Variants in PIGF observed in about 807,000 individuals in gnomAD.
The protein encoded by PIGF is GPI ethanolamine phosphate transferase, stabilizing subunit.
Under a neutral mutation model 26.0 loss-of-function variants are expected in PIGF, and 23 were observed. That is an observed-to-expected ratio of 0.88 (90% CI 0.64 to 1.25). The LOEUF (loss-of-function observed/expected upper bound fraction) is 1.25, where lower values mean the gene tolerates loss of function less well. Among genes scored for constraint, PIGF ranks in the 50% most tolerant of loss-of-function variants. PIGF has a pLI of 0.00. For synonymous variants in PIGF, 93 were observed against 92.6 expected, an observed-to-expected ratio of 1.00 and a Z score of -0.03; for missense variants, 278 against 249.9, an observed-to-expected ratio of 1.11 and a Z score of -0.76.
chr2:46,592,291 C>A (rs4953402), intron 5 of PIGF, among the ~76,000 whole-genome samples, 184 bp downstream of exon 5: 1 of 152,180 alleles, frequency 6.6e-6, no homozygotes, highest in South Asian at 2.1e-4. Context: ...CCAGGGCTAC[C>A]TAGACACCTG....
chr2:46,584,323 G>A (rs747528794), intron 5 of PIGF, among the ~76,000 whole-genome samples: 1 of 152,074 alleles, frequency 6.6e-6, no homozygotes, highest in African/African-American at 2.4e-5. Flanking sequence ...TATGCTGAGA[G>A]TCTACTAATC....
chr2:46,594,401 G>T (rs1669816716), intron 4 of PIGF, among the ~76,000 whole-genome samples: 1 of 151,362 alleles, frequency 6.6e-6, no homozygotes, highest in Non-Finnish European at 1.5e-5. Context: ...GGATTGGAAA[G>T]AATAGGTAGC....
chr2:46,611,117 G>A (rs893499970), intron 4 of PIGF, among the ~76,000 whole-genome samples: 3 of 151,938 alleles, frequency 2.0e-5, no homozygotes, highest in Non-Finnish European at 4.4e-5. Context: ...ACCACTTATT[G>A]CTGGATTTAC....
intron 4 of PIGF, among the ~76,000 whole-genome samples, chr2:46,605,782 A>G (rs372554391): frequency 1.3e-5 from 2 of 152,108 alleles, no homozygotes; most frequent in African/African-American, 4.8e-5. Flanking sequence ...AACTGGGGCA[A>G]ATCACTTAAC....
intron 5 of PIGF, 70 bp downstream of exon 5, chr2:46,592,405 A>G: frequency 1.1e-5 from 9 of 800,036 alleles, no homozygotes; most frequent in Admixed American, 1.8e-5. Flanking sequence ...TATACACACT[A>G]GTTTGCTTCA....
chr2:46,581,919 T>C (rs1295110736), intron 5 of PIGF: 1 of 207,774 alleles, frequency 4.8e-6, no homozygotes, highest in African/African-American at 2.4e-5. Flanking sequence ...CTGAACTAGT[T>C]GGTAATTTTT....
intron 4 of PIGF, among the ~76,000 whole-genome samples, chr2:46,608,249 A>G (rs891231494): frequency 5.3e-5 from 8 of 152,236 alleles, no homozygotes. Context: ...AGTAGATTCC[A>G]TCTCAGGAGA....
chr2:46,595,279 C>T (rs1362183350), intron 4 of PIGF, among the ~76,000 whole-genome samples: 1 of 152,178 alleles, frequency 6.6e-6, no homozygotes, highest in African/African-American at 2.4e-5. Context: ...CTCCTTCCTC[C>T]CAGCCCTAGG....
At chr2:46,605,376 A>T (rs540337665) in intron 4 of PIGF, among the ~76,000 whole-genome samples, 2 of 152,242 alleles carry the variant, frequency 1.3e-5, no homozygotes, top group South Asian at 4.1e-4. Context: ...TGAAAAAACC[A>T]GCCCTCCTCC....
At chr2:46,587,855 A>G (rs151256531) in intron 5 of PIGF, among the ~76,000 whole-genome samples, 57 of 152,338 alleles carry the variant, frequency 3.7e-4, no homozygotes, top group African/African-American at 1.2e-3. Flanking sequence ...ATGAAATATA[A>G]TAAGTAATTT....
At chr2:46,609,573 C>T (rs926222066) in intron 4 of PIGF, among the ~76,000 whole-genome samples, 5 of 152,152 alleles carry the variant, frequency 3.3e-5, no homozygotes, top group Non-Finnish European at 7.3e-5. Flanking sequence ...TCACTTCTAG[C>T]TTTTGATTTA....
Position 46,581,556 on chromosome 2 carries a change from A to G in PIGF, c.582T>C (p.Phe194=). The change falls in exon 6 of 6, where the codon TTT becomes TTC. Residue 194 remains phenylalanine, a synonymous_variant. Coordinates refer to ENST00000281382, the MANE Select transcript of PIGF (RefSeq NM_002643.4). ...AAATAACAAGGCCAGCCACGTAGCCAAAGGTCGCTCCAAGCGTACAGGAGA... is the reference window on the plus strand; with the variant it reads ...AAATAACAAGGCCAGCCACGTAGCCGAAGGTCGCTCCAAGCGTACAGGAGA... ...WPISCTLGAT[F]GYVAGLVISP... The G allele has an allele frequency of 6.2e-7, 1 of 1,611,574 alleles. No individual in the cohort carries two copies. The highest frequency in any genetic ancestry group is 8.5e-7 in the Non-Finnish European group (1 of 1,179,530).
Position 46,585,539 on chromosome 2 carries a change from T to G in PIGF, c.547-3948A>C, listed in dbSNP as rs142164053. On this transcript the variant is annotated intron_variant, in intron 5 of 5. Coordinates refer to ENST00000281382, the MANE Select transcript of PIGF (RefSeq NM_002643.4). ...ACAGAAGTACCTACTATACTTAAAA[T>G]GCAGGGCTGAAGTAATCTCTTAAAA... 1.3e-4 allele frequency among the ~76,000 whole-genome samples: 20 copies of G among 152,290 alleles called. No individual in the cohort carries two copies. The East Asian group carries it at 3.7e-3, about 28-fold the overall frequency.
At chr2:46,599,611 T>C (rs1368712554) in intron 4 of PIGF, among the ~76,000 whole-genome samples, 3 of 152,224 alleles carry the variant, frequency 2.0e-5, no homozygotes, top group South Asian at 4.1e-4. Context: ...ATAGTGACCT[T>C]TGCATTCTCA....
chr2:46,591,211 A>C (rs138460371), intron 5 of PIGF, among the ~76,000 whole-genome samples: 199 of 152,310 alleles, frequency 1.3e-3, no homozygotes, highest in Non-Finnish European at 1.7e-3. Context: ...AATATTACAT[A>C]TATGTAAGTT....
chr2:46,595,464 C>T (rs1669854658), intron 4 of PIGF, among the ~76,000 whole-genome samples: 1 of 152,172 alleles, frequency 6.6e-6, no homozygotes, highest in Admixed American at 6.5e-5. Flanking sequence ...AATCATATTC[C>T]CTTCAAGGGA....
intron 5 of PIGF, among the ~76,000 whole-genome samples, chr2:46,590,464 GAA>G (rs1160308534): frequency 1.3e-5 from 2 of 151,978 alleles, no homozygotes; most frequent in Admixed American, 6.6e-5. Context: ...CTTGTAAACA[GAA>G]AAGACTTAAA....
chr2:46,604,453 C>G (rs767045320), intron 4 of PIGF, among the ~76,000 whole-genome samples: 13 of 151,656 alleles, frequency 8.6e-5, no homozygotes, highest in Admixed American at 6.6e-5. Flanking sequence ...TGGAAGCAAC[C>G]TAAGTGTCTA....
chr2:46,597,587 T>C (rs1294868849), intron 4 of PIGF, among the ~76,000 whole-genome samples: 1 of 152,134 alleles, frequency 6.6e-6, no homozygotes, highest in East Asian at 1.9e-4. Context: ...TATTTTTGTA[T>C]TTTTAGTAGA....
Sources: gnomAD v4.1 joint callset for allele counts (sites outside exome capture counted in the v4.1 genomes callset) on GRCh38, gnomAD v4.1.1 for gene constraint, MANE v1.5 for transcripts, NCBI Gene and HGNC (gene_info 2026-07-23, HGNC 2026-07-21) for gene names.